The following MRTFA variants were observed in gnomAD, a reference collection of about 807,000 sequenced individuals.
MRTFA encodes the protein myocardin-related transcription factor A.
Under a neutral mutation model 83.5 loss-of-function variants are expected in MRTFA, and 20 were observed. The observed-to-expected ratio is 0.24, with a 90% confidence interval of 0.17 to 0.35. The LOEUF is 0.35. Among genes scored for constraint, MRTFA ranks in the 10% least tolerant of loss-of-function variants. The pLI, the probability that MRTFA is intolerant of heterozygous loss-of-function variation, is 1.00. For missense variants in MRTFA, 1,200 were observed against 1,224.7 expected, an observed-to-expected ratio of 0.98 and a Z score of 0.30; for synonymous variants, 659 against 541.2, an observed-to-expected ratio of 1.22 and a Z score of -3.02.
chr22:40,464,369 C>T (rs959896660), intron 3 of MRTFA, among the ~76,000 whole-genome samples: 3 of 135,430 alleles, frequency 2.2e-5, no homozygotes, highest in South Asian at 2.4e-4. Flanking sequence ...TAAACCTAAA[C>T]GGTGTTACAA....
At chr22:40,437,598 A>G (rs1332443306) in intron 4 of MRTFA, among the ~76,000 whole-genome samples, 1 of 152,034 alleles carries the variant, frequency 6.6e-6, no homozygotes, top group African/African-American at 2.4e-5. Flanking sequence ...CGTCTCTACT[A>G]AAAATACAAA....
chr22:40,546,291 T>C lies in MRTFA; in HGVS notation c.241+5815A>G, dbSNP rs565406703. ...ATACAACAATCTTCTTACCAGCCTC[T>C]TTCCTCCAGAGCTGAATGCTGGAGA... is the stretch of plus-strand genomic sequence containing the variant. On this transcript the variant is annotated intron_variant, in intron 3 of 14. Transcript: ENST00000355630. Among the ~76,000 whole-genome samples, 75 of 152,342 alleles carry C rather than the reference T, an allele frequency of 4.9e-4. 1 individual carries two copies. In the South Asian group the frequency reaches 0.014, roughly 29 times the overall value.
At chr22:40,502,165 C>A (rs1176480357) in intron 3 of MRTFA, among the ~76,000 whole-genome samples, 1 of 145,968 alleles carries the variant, frequency 6.9e-6, no homozygotes, top group Non-Finnish European at 1.5e-5. Flanking sequence ...GGGCTGACCC[C>A]CCCCACCTCC....
intron 3 of MRTFA, among the ~76,000 whole-genome samples, chr22:40,470,854 C>CT (rs1481672675): frequency 6.6e-6 from 1 of 151,918 alleles, no homozygotes; most frequent in African/African-American, 2.4e-5. Context: ...GAGGCTGAGG[C>CT]AGGAGAATCA....
intron 3 of MRTFA, among the ~76,000 whole-genome samples, chr22:40,527,112 C>T (rs1055281931): frequency 6.6e-6 from 1 of 150,954 alleles, no homozygotes. Context: ...GATGACAGAG[C>T]AAGACCTCGC....
chr22:40,419,265 G>A lies in MRTFA; in HGVS notation c.1473C>T (p.Pro491=). The change falls in exon 12 of 15, where the codon CCC becomes CCT. Residue 491 remains proline, a synonymous_variant. Coordinates refer to ENST00000355630, the MANE Select transcript of MRTFA (RefSeq NM_020831.6). ...GGATAGAGGTGGCGGCAGGGGCCTT[G>A]GGGGCTCCTGGCACAGGGCTGATTT... 6.2e-7 allele frequency: 1 copy of A among 1,613,098 alleles called. No individual in the cohort carries two copies. The highest frequency in any genetic ancestry group is 8.5e-7 in the Non-Finnish European group (1 of 1,179,652).
chr22:40,510,518 C>T (rs984844327), intron 3 of MRTFA, among the ~76,000 whole-genome samples: 3 of 152,016 alleles, frequency 2.0e-5, no homozygotes, highest in Non-Finnish European at 2.9e-5. Context: ...TAAATGCTTA[C>T]AAGAAAATGC....
At chr22:40,457,281 C>T (rs533499757) in intron 4 of MRTFA, among the ~76,000 whole-genome samples, 2 of 151,974 alleles carry the variant, frequency 1.3e-5, no homozygotes, top group Non-Finnish European at 2.9e-5. Context: ...AAGAAAATCG[C>T]TTGAACCCAG....
intron 4 of MRTFA, among the ~76,000 whole-genome samples, chr22:40,458,321 T>C (rs993161557): frequency 6.6e-6 from 1 of 152,218 alleles, no homozygotes; most frequent in African/African-American, 2.4e-5. Context: ...ATGATTCTGT[T>C]TAATAGCACA....
intron 2 of MRTFA, among the ~76,000 whole-genome samples, chr22:40,568,789 C>T (rs1380052813): frequency 6.6e-6 from 1 of 152,184 alleles, no homozygotes; most frequent in Non-Finnish European, 1.5e-5. Flanking sequence ...AGACACACAG[C>T]AGCACTAGTC....
At chr22:40,619,265 C>G (rs133038) in intron 1 of MRTFA, among the ~76,000 whole-genome samples, 62,811 of 151,876 alleles carry the variant, frequency 0.41, 14,184 homozygotes, top group East Asian at 0.87. Flanking sequence ...GAAGTGAAAA[C>G]TAAAGTAGAG....
intron 3 of MRTFA, among the ~76,000 whole-genome samples, chr22:40,500,353 T>C (rs1319725032): frequency 1.3e-5 from 2 of 149,840 alleles, no homozygotes; most frequent in Non-Finnish European, 3.0e-5. Context: ...TTTTTATTTT[T>C]TTTTTAACAT....
intron 3 of MRTFA, among the ~76,000 whole-genome samples, chr22:40,491,532 A>C (rs1205254873): frequency 6.6e-6 from 1 of 152,222 alleles, no homozygotes; most frequent in Non-Finnish European, 1.5e-5. Flanking sequence ...AGGGTTATCT[A>C]TCTACTTTCA....
At chr22:40,449,163 A>C (rs2053439617) in intron 4 of MRTFA, among the ~76,000 whole-genome samples, 1 of 150,972 alleles carries the variant, frequency 6.6e-6, no homozygotes, top group African/African-American at 2.4e-5. Context: ...GCTACTCTGG[A>C]GGCTGAGGCA....
At chr22:40,631,429 C>T (rs1290108460) in intron 1 of MRTFA, among the ~76,000 whole-genome samples, 2 of 152,122 alleles carry the variant, frequency 1.3e-5, no homozygotes, top group Non-Finnish European at 2.9e-5. Context: ...ATTTTTATCC[C>T]CATTTTACAG....
At chr22:40,471,932 G>A (rs2053923386) in intron 3 of MRTFA, among the ~76,000 whole-genome samples, 1 of 152,086 alleles carries the variant, frequency 6.6e-6, no homozygotes, top group Non-Finnish European at 1.5e-5. Flanking sequence ...AGGAAACAGA[G>A]GAGAAAACAC....
At chr22:40,492,118 A>T (rs947020047) in intron 3 of MRTFA, among the ~76,000 whole-genome samples, 1 of 152,152 alleles carries the variant, frequency 6.6e-6, no homozygotes, top group Non-Finnish European at 1.5e-5. Flanking sequence ...CTCCTCCAGC[A>T]TGCTGGAGGA....
intron 4 of MRTFA, among the ~76,000 whole-genome samples, chr22:40,451,455 G>A (rs144674204): frequency 7.9e-4 from 120 of 152,182 alleles, no homozygotes; most frequent in African/African-American, 2.7e-3. Flanking sequence ...ACCCGTTTTG[G>A]CACCGGCTAT....
At position 40,418,933 on chromosome 22, in the gene MRTFA, C is replaced by T. The variant is rs1179946623; in HGVS notation, c.1805G>A (p.Gly602Asp). 2.5e-6 allele frequency: 4 copies of T among 1,612,804 alleles called. No homozygotes were observed. Among genetic ancestry groups the T allele is most frequent in the Admixed American group, 1.7e-5 (1 of 60,004 alleles). Residue 602 changes from glycine (G) to aspartate (D), a missense_variant, in exon 12 of 15, where the codon GGC becomes GAC. Physicochemically the swap from Gly to Asp is moderately conservative, Grantham distance 94. Transcript: ENST00000355630. ...CAGGCAACAGGACCCGGCCCGGGGGCCCTCCTCCTTCACGAGGATCTGCAG... is the reference window on the plus strand; with the variant it reads ...CAGGCAACAGGACCCGGCCCGGGGGTCCTCCTCCTTCACGAGGATCTGCAG...
Sources: gnomAD v4.1 joint callset for allele counts (sites outside exome capture counted in the v4.1 genomes callset) on GRCh38, gnomAD v4.1.1 for gene constraint, MANE v1.5 for transcripts, NCBI Gene and HGNC (gene_info 2026-07-23, HGNC 2026-07-21) for gene names.